Variants in ANKRD13A observed in about 807,000 individuals in gnomAD.
ANKRD13A encodes the protein ankyrin repeat domain 13A.
In ANKRD13A, 48 loss-of-function variants were observed where a neutral mutation model predicts 81.3. That is an observed-to-expected ratio of 0.59 (90% CI 0.47 to 0.75). The LOEUF (loss-of-function observed/expected upper bound fraction) is 0.75, where lower values mean the gene tolerates loss of function less well. ANKRD13A is among the 30% of genes least tolerant of loss of function. The probability of loss-of-function intolerance (pLI) is 0.00; values close to 1 mark genes in which losing one functional copy is unlikely to be tolerated. For synonymous variants in ANKRD13A, 230 were observed against 270.1 expected (o/e 0.85, Z 1.45); for missense variants, 612 against 734.0 (o/e 0.83, Z 1.92).
At position 110,039,145 on chromosome 12, in the gene ANKRD13A, T is replaced by C. The variant is rs1448750290; in HGVS notation, c.*1591T>C. On this transcript the variant is annotated 3_prime_UTR_variant, in exon 15 of 15. Transcript: ENST00000261739. ...GTATAGGCAACGTCACATTTGTTTG[T>C]TTCAAATATGCAGTGTGGTATTTTG... 2 of 152,150 alleles carry C rather than the reference T, an allele frequency of 1.3e-5. No individual in the cohort carries two copies. The highest frequency in any genetic ancestry group is 4.8e-5 in the African/African-American group (2 of 41,410). 9.4% of individuals were successfully genotyped at this position (152,150 alleles called of 1,614,324 possible).
At chr12:110,013,043 C>T (rs1890609073) in intron 2 of ANKRD13A, 82 bp from the exon 3 acceptor site, 1 of 1,504,406 alleles carries the variant, frequency 6.6e-7, no homozygotes, top group East Asian at 2.3e-5. Context: ...AAATACTGGT[C>T]TTTGATCTAG....
chr12:110,013,595 A>T (rs986524589), intron 3 of ANKRD13A, among the ~76,000 whole-genome samples: 70 of 151,962 alleles, frequency 4.6e-4, no homozygotes, highest in African/African-American at 1.6e-3. Flanking sequence ...GCAACAAACA[A>T]AGCAAGACTC....
intron 6 of ANKRD13A, among the ~76,000 whole-genome samples, chr12:110,023,168 G>A (rs993066654): frequency 6.6e-6 from 1 of 152,258 alleles, no homozygotes; most frequent in Non-Finnish European, 1.5e-5. Context: ...GGGCCAAGAG[G>A]AGCTGGGATG....
At chr12:110,020,663 C>A (rs1373263713) in intron 6 of ANKRD13A, among the ~76,000 whole-genome samples, 2 of 152,216 alleles carry the variant, frequency 1.3e-5, no homozygotes, top group Non-Finnish European at 2.9e-5. Context: ...TTCCGCATAC[C>A]CTTCTGCAGA....
At chr12:110,008,909 ATT>A (rs1000324268) in intron 1 of ANKRD13A, among the ~76,000 whole-genome samples, 1 of 151,666 alleles carries the variant, frequency 6.6e-6, no homozygotes, top group East Asian at 1.9e-4. Flanking sequence ...CTGGGCCTGC[ATT>A]TTTTTTGGTG....
chr12:110,012,365 C>CA (rs1461147831), intron 2 of ANKRD13A, among the ~76,000 whole-genome samples: 5 of 151,386 alleles, frequency 3.3e-5, no homozygotes, highest in Non-Finnish European at 5.9e-5. Context: ...GAACTTTTCT[C>CA]AAAAAAAAGG....
intron 6 of ANKRD13A, chr12:110,022,084 C>T (rs1156670715): frequency 6.6e-6 from 1 of 152,098 alleles, no homozygotes. Context: ...CCAAGGGCCA[C>T]AGAGTTATTA....
rs1341508765 is a variant in ANKRD13A, at chr12:109,999,504, C to T, written c.-185C>T. 1 of 313,420 alleles carries T rather than the reference C, an allele frequency of 3.2e-6. No individual in the cohort carries two copies. Among genetic ancestry groups the T allele is most frequent in the Non-Finnish European group, 5.7e-6 (1 of 175,416 alleles). The allele number at this position is 313,420 out of a possible 1,614,324, so 19.4% of individuals were successfully genotyped here. Reference sequence around the variant, plus strand: ...GGGGTGGGCGCGGCCGACCTGGTCCCTGAGCCGGCCGGCGACCCCGGACCT... The same window carrying T: ...GGGGTGGGCGCGGCCGACCTGGTCCTTGAGCCGGCCGGCGACCCCGGACCT... On this transcript the variant is annotated 5_prime_UTR_variant, in exon 1 of 15. Coordinates refer to ENST00000261739, the MANE Select transcript of ANKRD13A (RefSeq NM_033121.2). The surrounding 1 kb of genome is among the most constrained non-coding windows in gnomAD (Gnocchi z 4.3).
At position 110,027,895 on chromosome 12, in the gene ANKRD13A, ATT is replaced by A. The variant is rs1159728817; in HGVS notation, c.945+131_945+132del. 37 of 794,232 alleles carry A rather than the reference ATT, an allele frequency of 4.7e-5. 1 individual carries two copies. The highest frequency in any genetic ancestry group is 4.6e-4 in the South Asian group (30 of 65,446). 49.2% of individuals were successfully genotyped at this position (794,232 alleles called of 1,614,324 possible). On this transcript the variant is annotated intron_variant, in intron 9 of 14. Transcript: ENST00000261739. ...AGGCCAAAGATACCCCCAAGCTGGA[ATT>A]TGAGATACTCTTTTGGAAGAGAATT... is the stretch of plus-strand genomic sequence containing the variant.
chr12:110,016,987 T>C lies in ANKRD13A; in HGVS notation c.400+554T>C, dbSNP rs898165439. 2.0e-5 allele frequency among the ~76,000 whole-genome samples: 3 copies of C among 152,152 alleles called. No homozygotes were observed. The East Asian group carries it at 5.8e-4, about 29-fold the overall frequency. ...TGGGGTTTCACCATGTTAGCCAGGC[T>C]GGTCTCAAACTCCTGACCTCAGGTG... is the stretch of plus-strand genomic sequence containing the variant. On this transcript the variant is annotated intron_variant, in intron 4 of 14. Coordinates refer to ENST00000261739, the MANE Select transcript of ANKRD13A (RefSeq NM_033121.2).
At chr12:110,008,455 T>C (rs1410003153) in intron 1 of ANKRD13A, among the ~76,000 whole-genome samples, 2 of 152,208 alleles carry the variant, frequency 1.3e-5, no homozygotes, top group Non-Finnish European at 1.5e-5. Context: ...TAGTGTGTGG[T>C]TTTCTTTTCT....
At chr12:110,016,357 A>G in intron 3 of ANKRD13A, 31 bp from the exon 4 acceptor site, 1 of 1,548,300 alleles carries the variant, frequency 6.5e-7, no homozygotes, top group South Asian at 1.2e-5. Flanking sequence ...TGCCAAGGGT[A>G]ATCTGTTTTA....
chr12:110,029,132 T>A, intron 10 of ANKRD13A: 1 of 202,416 alleles, frequency 4.9e-6, no homozygotes, highest in Non-Finnish European at 1.0e-5. Flanking sequence ...CCAAATAGAA[T>A]CTAGATTGGA....
intron 6 of ANKRD13A, chr12:110,021,916 C>G (rs1358183527): frequency 6.6e-6 from 1 of 152,030 alleles, no homozygotes; most frequent in East Asian, 1.9e-4. Context: ...TCCCTGCCAC[C>G]TTCATAGCCT....
At chr12:110,033,453 A>G (rs1215560341) in intron 12 of ANKRD13A, among the ~76,000 whole-genome samples, 2 of 152,030 alleles carry the variant, frequency 1.3e-5, no homozygotes, top group Non-Finnish European at 2.9e-5. Context: ...GATATTTTAT[A>G]TATACTTTTA....
At chr12:110,029,154 C>CT (rs927196614) in intron 10 of ANKRD13A, 5,404 of 201,318 alleles carry the variant, frequency 0.027, no homozygotes, top group Middle Eastern at 0.046. Flanking sequence ...GTAAGAATTC[C>CT]TTTTTTTTTT....
chr12:110,016,766 ATTTTATTTTTAT>A (rs1383453248), intron 4 of ANKRD13A, among the ~76,000 whole-genome samples: 1 of 151,350 alleles, frequency 6.6e-6, no homozygotes, highest in Non-Finnish European at 1.5e-5. Flanking sequence ...TTTATTTTTT[ATTTTATTTTTAT>A]TTTTATTTTT....
chr12:110,013,929 G>T (rs1478765770), intron 3 of ANKRD13A, among the ~76,000 whole-genome samples: 3 of 152,138 alleles, frequency 2.0e-5, no homozygotes, highest in Non-Finnish European at 4.4e-5. Flanking sequence ...TCTTAGGAAA[G>T]TTGTGATAGG....
intron 12 of ANKRD13A, chr12:110,032,414 G>A (rs950080123): frequency 1.1e-4 from 16 of 152,106 alleles, no homozygotes; most frequent in African/African-American, 2.7e-4. Flanking sequence ...AATTGAACTC[G>A]ACAATAATAT....
Sources: gnomAD v4.1 joint callset for allele counts (sites outside exome capture counted in the v4.1 genomes callset) on GRCh38, gnomAD v4.1.1 for gene constraint, Gnocchi (gnomAD v3.1) non-coding constraint, MANE v1.5 for transcripts, NCBI Gene and HGNC (gene_info 2026-07-23, HGNC 2026-07-21) for gene names.